Variants in ALCAM observed in about 807,000 individuals in gnomAD.
The protein encoded by ALCAM is CD166 antigen.
Under a neutral mutation model 70.9 loss-of-function variants are expected in ALCAM, and 30 were observed. That is an observed-to-expected ratio of 0.42 (90% confidence interval 0.32 to 0.57). ALCAM has a LOEUF of 0.57. Ranked by LOEUF, ALCAM falls within the 20% of genes least tolerant of loss-of-function variation. ALCAM has a pLI of 0.11. For synonymous variants in ALCAM, 249 were observed against 242.5 expected (o/e 1.03, Z -0.25); for missense variants, 591 against 695.1 (o/e 0.85, Z 1.68).
intron 14 of ALCAM, among the ~76,000 whole-genome samples, chr3:105,556,606 A>C (rs1940523043): frequency 1.3e-5 from 2 of 152,022 alleles, no homozygotes; most frequent in Non-Finnish European, 2.9e-5. Context: ...ACTTGCCTAC[A>C]ACACTGAAAC....
At position 105,391,348 on chromosome 3, in the gene ALCAM, CTT is replaced by C. The variant is rs771655417; in HGVS notation, c.73+23869_73+23870del. On this transcript the variant is annotated intron_variant, in intron 1 of 15. Coordinates refer to ENST00000306107, the MANE Select transcript of ALCAM (RefSeq NM_001627.4). ...GTTGTATTCCTAGGTATTTTACTCTCTTTGTAGAAATTGTGAATGGGAGTTCA... is the reference window on the plus strand; with the variant it reads ...GTTGTATTCCTAGGTATTTTACTCTCTGTAGAAATTGTGAATGGGAGTTCA... Among the ~76,000 whole-genome samples the C allele has an allele frequency of 3.9e-5, 6 of 152,004 alleles. No individual in the cohort carries two copies. The South Asian group carries it at 1.2e-3, about 32-fold the overall frequency.
intron 14 of ALCAM, among the ~76,000 whole-genome samples, chr3:105,562,079 A>G (rs1192450091): frequency 6.6e-6 from 1 of 152,200 alleles, no homozygotes; most frequent in Admixed American, 6.5e-5. Context: ...TGGTCTTTCT[A>G]GTGTCATTAT....
At chr3:105,544,597 A>G (rs114092844) in intron 8 of ALCAM, 73 of 153,710 alleles carry the variant, frequency 4.7e-4, no homozygotes, top group Middle Eastern at 6.6e-3. Context: ...ATCTCTCATC[A>G]GTGCTTGGGA....
intron 1 of ALCAM, among the ~76,000 whole-genome samples, chr3:105,375,234 C>A (rs1935345682): frequency 6.6e-6 from 1 of 152,102 alleles, no homozygotes; most frequent in African/African-American, 2.4e-5. Flanking sequence ...TAAGACTGTC[C>A]TGGTTTATGC....
chr3:105,503,418 A>G (rs1284322522), intron 1 of ALCAM, among the ~76,000 whole-genome samples: 2 of 152,132 alleles, frequency 1.3e-5, no homozygotes, highest in African/African-American at 4.8e-5. Flanking sequence ...AATGCAGCAA[A>G]CTGACTGAGG....
At chr3:105,480,960 G>A (rs1938254095) in intron 1 of ALCAM, among the ~76,000 whole-genome samples, 1 of 152,110 alleles carries the variant, frequency 6.6e-6, no homozygotes, top group Non-Finnish European at 1.5e-5. Flanking sequence ...TCTGATTGAT[G>A]AGATTCTGTT....
chr3:105,533,867 G>A (rs184694480), intron 5 of ALCAM, among the ~76,000 whole-genome samples, 177 bp downstream of exon 5: 2 of 152,182 alleles, frequency 1.3e-5, no homozygotes, highest in East Asian at 1.9e-4. Context: ...TGATTCACAG[G>A]CATTAGGTTT....
At chr3:105,410,729 G>C (rs1328075355) in intron 1 of ALCAM, among the ~76,000 whole-genome samples, 1 of 151,946 alleles carries the variant, frequency 6.6e-6, no homozygotes, top group African/African-American at 2.4e-5. Flanking sequence ...ATCACATTTT[G>C]ACCCATTCTT....
Position 105,435,129 on chromosome 3 carries a change from A to G in ALCAM, c.73+67648A>G, listed in dbSNP as rs528527588. Among the ~76,000 whole-genome samples the G allele has an allele frequency of 2.6e-5, 4 of 152,328 alleles. No individual in the cohort carries two copies. In the South Asian group the frequency reaches 8.3e-4, roughly 32 times the overall value. ...ACTCCTCAGGTCATTTTAGGCTTCT[A>G]TATGATTTAATACATGATCACTTTC... On this transcript the variant is annotated intron_variant, in intron 1 of 15. Transcript: ENST00000306107.
Position 105,527,723 on chromosome 3 carries a change from C to T in ALCAM, c.394+3215C>T, listed in dbSNP as rs138252746. Among the ~76,000 whole-genome samples the T allele has an allele frequency of 5.6e-3, 851 of 152,164 alleles. 11 individuals are homozygous for T. The highest frequency in any genetic ancestry group is 0.019 in the African/African-American group (809 of 41,520). ...TGGTATTGCAGACATAGAGTCTGCT[C>T]TGTGGTACATATGGACCAGGTCTTA... On this transcript the variant is annotated intron_variant, in intron 3 of 15. Coordinates refer to ENST00000306107, the MANE Select transcript of ALCAM (RefSeq NM_001627.4).
chr3:105,380,296 G>A (rs926947920), intron 1 of ALCAM, among the ~76,000 whole-genome samples: 4 of 151,634 alleles, frequency 2.6e-5, no homozygotes, highest in African/African-American at 9.7e-5. Context: ...TTGTTGGGTT[G>A]ATTTTGTTCA....
At chr3:105,570,232 T>C (rs1247831684) in intron 14 of ALCAM, among the ~76,000 whole-genome samples, 1 of 151,382 alleles carries the variant, frequency 6.6e-6, no homozygotes, top group African/African-American at 2.4e-5. Context: ...GATAAGGCAA[T>C]GAAAATAACT....
chr3:105,529,574 G>A (rs1202012927), intron 3 of ALCAM, among the ~76,000 whole-genome samples: 4 of 152,008 alleles, frequency 2.6e-5, no homozygotes, highest in Non-Finnish European at 5.9e-5. Context: ...AATGAAATAA[G>A]TATTACCATT....
At chr3:105,526,586 A>T (rs1206919884) in intron 3 of ALCAM, among the ~76,000 whole-genome samples, 2 of 152,222 alleles carry the variant, frequency 1.3e-5, no homozygotes, top group Non-Finnish European at 2.9e-5. Flanking sequence ...TAGACAAGTT[A>T]CACACTCTTG....
At chr3:105,490,986 T>G (rs1938568442) in intron 1 of ALCAM, among the ~76,000 whole-genome samples, 2 of 152,232 alleles carry the variant, frequency 1.3e-5, no homozygotes, top group Non-Finnish European at 2.9e-5. Context: ...GCAGAGGTTC[T>G]CCATGAAGGC....
intron 1 of ALCAM, among the ~76,000 whole-genome samples, chr3:105,472,304 C>T (rs966447560): frequency 1.3e-5 from 2 of 151,512 alleles, no homozygotes; most frequent in Non-Finnish European, 1.5e-5. Context: ...ATCACTAATA[C>T]CTGAGAAGAA....
In ALCAM at chr3:105,545,243, C is replaced by T; in HGVS notation, c.1012C>T (p.Pro338Ser). The T allele has an allele frequency of 6.2e-7, 1 of 1,608,284 alleles. No homozygotes were observed. The highest frequency in any genetic ancestry group is 8.5e-7 in the Non-Finnish European group (1 of 1,175,754). The change falls in exon 9 of 16, where the codon CCA becomes TCA. Residue 338 changes from proline (P) to serine (S), a missense_variant. By Grantham distance (74) the Pro-to-Ser change is moderately conservative. Transcript: ENST00000306107. Reference protein sequence around the residue: ...TVHYLDLSLNPSGEVTRQIGD... With the variant: ...TVHYLDLSLNSSGEVTRQIGD... Reference sequence around the variant, plus strand: ...CACAGATTTGGATTTGTCCTTAAACCCAAGTGGAGAAGTGACTAGACAGAT... The same window carrying T: ...CACAGATTTGGATTTGTCCTTAAACTCAAGTGGAGAAGTGACTAGACAGAT...
chr3:105,464,899 A>T (rs1015367182), intron 1 of ALCAM, among the ~76,000 whole-genome samples: 2 of 151,392 alleles, frequency 1.3e-5, no homozygotes, highest in African/African-American at 4.8e-5. Flanking sequence ...CAAGCTAGTC[A>T]ACAGATAGAA....
At chr3:105,409,357 C>T (rs1373150276) in intron 1 of ALCAM, among the ~76,000 whole-genome samples, 1 of 151,646 alleles carries the variant, frequency 6.6e-6, no homozygotes, top group Admixed American at 6.6e-5. Context: ...ACACACACAC[C>T]ATGGAATGCT....
Sources: gnomAD v4.1 joint callset for allele counts (sites outside exome capture counted in the v4.1 genomes callset) on GRCh38, gnomAD v4.1.1 for gene constraint, MANE v1.5 for transcripts, NCBI Gene and HGNC (gene_info 2026-07-23, HGNC 2026-07-21) for gene names.